SEC23B: variants seen among roughly 807,000 people sequenced by gnomAD.
SEC23B encodes the protein protein transport protein Sec23B.
A neutral mutation model predicts 104.3 loss-of-function variants in SEC23B; 77 were observed. The observed-to-expected ratio is 0.74, with a 90% CI of 0.61 to 0.89. SEC23B has a LOEUF of 0.89. Ranked by LOEUF, SEC23B falls within the 40% of genes least tolerant of loss-of-function variation. SEC23B has a pLI of 0.00. For synonymous variants in SEC23B, 338 were observed against 332.5 expected, an observed-to-expected ratio of 1.02 and a Z score of -0.18; for missense variants, 885 against 949.4, an observed-to-expected ratio of 0.93 and a Z score of 0.89.
intron 9 of SEC23B, among the ~76,000 whole-genome samples, chr20:18,528,915 A>G (rs781133797): frequency 1.3e-5 from 2 of 152,248 alleles, no homozygotes; most frequent in Non-Finnish European, 2.9e-5. Context: ...GATGACTTCC[A>G]GCAAAGGCAA....
chr20:18,524,839 C>T (rs973842250), intron 5 of SEC23B, 96 bp from the exon 6 acceptor site: 1 of 1,388,280 alleles, frequency 7.2e-7, no homozygotes, highest in South Asian at 1.2e-5. Context: ...ACTAGAGGCA[C>T]ATGCCACCAC....
chr20:18,533,202 T>A (rs113709422), intron 11 of SEC23B, among the ~76,000 whole-genome samples: 2 of 152,354 alleles, frequency 1.3e-5, no homozygotes, highest in African/African-American at 4.8e-5. Context: ...TGGAAGTGGG[T>A]GACACTGCTG....
chr20:18,555,173 G>T lies in SEC23B; in HGVS notation c.2214G>T (p.Gln738His), dbSNP rs1237991750. Residue 738 changes from glutamine to histidine, a missense_variant and splice_region_variant, in exon 19 of 20, where the codon CAG (glutamine) becomes CAT (histidine). By Grantham distance (24) the Gln-to-His change is conservative. Transcript: ENST00000650089. ...QTHNNLYAWG[Q>H]ETGAPILTDD... is the part of the protein sequence containing the mutation. ...ACAATAACCTGTATGCTTGGGGACA[G>T]GTAAGAAATCTTCAGGTATTTGGGG... 6.2e-7 allele frequency: 1 copy of T among 1,612,348 alleles called. No individual in the cohort carries two copies. Among genetic ancestry groups the T allele is most frequent in the Non-Finnish European group, 8.5e-7 (1 of 1,178,504 alleles).
At position 18,558,211 on chromosome 20, in the gene SEC23B, T is replaced by C. The variant is rs1244101065; in HGVS notation, c.2215-2440T>C. 3.3e-5 allele frequency among the ~76,000 whole-genome samples: 5 copies of C among 152,252 alleles called. No individual in the cohort carries two copies. The East Asian group carries it at 9.6e-4, about 29-fold the overall frequency. The stretch of plus-strand genomic sequence containing the variant: ...TTCTTTAAGCAGTTGAAAAATATTG[T>C]GCTGCTTCCTCTGGCCTTTATGGTT... On this transcript the variant is annotated intron_variant, in intron 19 of 19. Coordinates refer to ENST00000650089, the MANE Select transcript of SEC23B (RefSeq NM_006363.6).
chr20:18,522,978 A>C (rs1158886532), intron 4 of SEC23B, among the ~76,000 whole-genome samples: 4 of 151,976 alleles, frequency 2.6e-5, no homozygotes, highest in Non-Finnish European at 5.9e-5. Context: ...GAGGCAGGAG[A>C]ATAGCGTGAA....
chr20:18,552,958 G>A (rs1030436985), intron 17 of SEC23B, among the ~76,000 whole-genome samples: 3 of 152,188 alleles, frequency 2.0e-5, no homozygotes, highest in Admixed American at 2.0e-4. Context: ...TTTGTATGAG[G>A]GACTTGAGTA....
At chr20:18,523,510 C>A (rs1316918150) in intron 4 of SEC23B, among the ~76,000 whole-genome samples, 1 of 147,496 alleles carries the variant, frequency 6.8e-6, no homozygotes, top group Admixed American at 6.9e-5. Context: ...TCAAGCAATT[C>A]TCCTGCCTCA....
chr20:18,554,956 GTGCAGTAAAACAATTCTAATTAGA>G, intron 18 of SEC23B, 128 bp from the exon 19 acceptor site: 6 of 90,332 alleles, frequency 6.6e-5, no homozygotes, highest in South Asian at 2.5e-4. Flanking sequence ...ATAGATTACT[GTGCAGTAAAACAATTCTAATTAGA>G]TTACTGTGCA....
chr20:18,521,623 TAGAA>T (rs1784870728), intron 4 of SEC23B, among the ~76,000 whole-genome samples: 1 of 151,496 alleles, frequency 6.6e-6, no homozygotes, highest in Admixed American at 6.6e-5. Context: ...GGGGAGGTGA[TAGAA>T]AGATTATAGG....
At chr20:18,540,377 G>A (rs889607919) in intron 12 of SEC23B, among the ~76,000 whole-genome samples, 2 of 152,166 alleles carry the variant, frequency 1.3e-5, no homozygotes, top group Non-Finnish European at 2.9e-5. Flanking sequence ...TTTGAAAGGA[G>A]TCTTTTTTTT....
Position 18,535,663 on chromosome 20 carries a change from TTG to T in SEC23B, c.1326_1327del (p.Gly443TrpfsTer21). ...TCTTCCCACCCCCAGGAGCTTGGTG[TTG>T]GTGGCACGAGTCAGTGGAAAATCTG... On this transcript the variant is annotated frameshift_variant, in exon 12 of 20. Coordinates refer to ENST00000650089, the MANE Select transcript of SEC23B (RefSeq NM_006363.6). LOFTEE classifies it high-confidence loss of function. 2 of 1,614,036 alleles carry T rather than the reference TTG, an allele frequency of 1.2e-6. No homozygotes were observed. Among genetic ancestry groups the T allele is most frequent in the Non-Finnish European group, 8.5e-7 (1 of 1,179,902 alleles).
At chr20:18,553,882 A>T (rs1219459889) in intron 17 of SEC23B, among the ~76,000 whole-genome samples, 1 of 152,174 alleles carries the variant, frequency 6.6e-6, no homozygotes, top group East Asian at 1.9e-4. Context: ...TTTCCTTACC[A>T]GATGTGCGGA....
chr20:18,528,572 C>T (rs897740374), intron 9 of SEC23B, among the ~76,000 whole-genome samples: 2 of 152,164 alleles, frequency 1.3e-5, no homozygotes, highest in Admixed American at 1.3e-4. Context: ...CTAACAACCC[C>T]ACAGGTGATG....
At chr20:18,553,246 C>T (rs1007774425) in intron 17 of SEC23B, among the ~76,000 whole-genome samples, 1 of 152,218 alleles carries the variant, frequency 6.6e-6, no homozygotes, top group African/African-American at 2.4e-5. Context: ...CCCTGGTGAG[C>T]TCGTGGGCAT....
At position 18,560,736 on chromosome 20, in the gene SEC23B, G is replaced by A. The variant is rs763690610; in HGVS notation, c.2300G>A (p.Cys767Tyr). 1 of 1,612,016 alleles carries A rather than the reference G, an allele frequency of 6.2e-7. No individual in the cohort carries two copies. Among genetic ancestry groups the A allele is most frequent in the Non-Finnish European group, 8.5e-7 (1 of 1,178,178 alleles). Residue 767 changes from cysteine (C) to tyrosine (Y), a missense_variant, in exon 20 of 20, where the codon TGT becomes TAT. Physicochemically the swap from Cys to Tyr is radical, Grantham distance 194. Transcript: ENST00000650089. ...AAGAAGCTGGCTGTCTCCAGTGCCT[G>A]TTAAGCTGAGGATACAACCAGGAAA... is the stretch of plus-strand genomic sequence containing the variant. Reference protein sequence around the residue: ...HLKKLAVSSAC With the variant: ...HLKKLAVSSAY
chr20:18,512,239 G>A lies in SEC23B; in HGVS notation c.236G>A (p.Arg79Gln), dbSNP rs370537015. 7 of 1,591,202 alleles carry A rather than the reference G, an allele frequency of 4.4e-6. No homozygotes were observed. Among genetic ancestry groups the A allele is most frequent in the African/African-American group, 2.7e-5 (2 of 74,446 alleles). Residue 79 changes from arginine (R) to glutamine (Q), a missense_variant, in exon 3 of 20, where the codon CGA (arginine) becomes CAA (glutamine). Transcript: ENST00000650089. ...VLNPLCQVDY[R>Q]AKLWACNFCF... is the part of the protein sequence containing the mutation. ...CTTTCTCACAGTCAGGTTGATTATC[G>A]AGCAAAACTTTGGGCCTGTAATTTC...
chr20:18,527,732 T>G (rs2060146886), intron 9 of SEC23B, 121 bp downstream of exon 9: 2 of 783,800 alleles, frequency 2.6e-6, no homozygotes, highest in East Asian at 2.4e-5. Flanking sequence ...AGCTCTGGGC[T>G]ATGGTTTCAG....
intron 1 of SEC23B, chr20:18,508,182 A>G (rs1473297331): frequency 6.6e-6 from 1 of 152,260 alleles, no homozygotes; most frequent in Non-Finnish European, 1.5e-5. Flanking sequence ...CAGTTTCCCC[A>G]GAATTGCGGA....
Position 18,530,772 on chromosome 20 carries a change from G to A in SEC23B, c.1202G>A (p.Arg401Gln), listed in dbSNP as rs562857254. The A allele has an allele frequency of 5.3e-5, 85 of 1,612,510 alleles. No homozygotes were observed. Among genetic ancestry groups the A allele is most frequent in the South Asian group, 3.0e-4 (27 of 91,028 alleles). Residue 401 changes from arginine to glutamine, a missense_variant, in exon 10 of 20, where the codon CGA becomes CAA. Coordinates refer to ENST00000650089, the MANE Select transcript of SEC23B (RefSeq NM_006363.6). ...IFTKDFNGDF[R>Q]MAFGATLDVK... is the part of the protein sequence containing the mutation. ...ACTAAAGATTTTAATGGAGATTTCC[G>A]AATGGCATTTGGTGCTACTTTGGAC...
Sources: allele counts gnomAD v4.1 joint callset (sites outside exome capture counted in the v4.1 genomes callset), GRCh38; gene constraint gnomAD v4.1.1; transcripts MANE v1.5; gene names NCBI Gene and HGNC (gene_info 2026-07-23, HGNC 2026-07-21).